Variants in TBCCD1 observed in about 807,000 individuals in gnomAD.
TBCCD1 encodes the protein TBCC domain-containing protein 1.
Under a neutral mutation model 53.4 loss-of-function variants are expected in TBCCD1, and 26 were observed. The observed-to-expected ratio is 0.49, with a 90% CI of 0.36 to 0.68. TBCCD1 has a LOEUF of 0.68. Ranked by LOEUF, TBCCD1 falls within the 30% of genes least tolerant of loss-of-function variation. The pLI, the probability that TBCCD1 is intolerant of heterozygous loss-of-function variation, is 0.00. For synonymous variants in TBCCD1, 245 were observed against 241.7 expected, an observed-to-expected ratio of 1.01 and a Z score of -0.13; for missense variants, 558 against 669.5, an observed-to-expected ratio of 0.83 and a Z score of 1.84.
intron 7 of TBCCD1, among the ~76,000 whole-genome samples, chr3:186,549,005 G>A (rs1465009627): frequency 2.6e-5 from 4 of 152,102 alleles, no homozygotes; most frequent in African/African-American, 9.7e-5. Flanking sequence ...TAAATAAATA[G>A]GCCAGAAGCA....
At chr3:186,554,855 A>T in intron 5 of TBCCD1, 43 bp downstream of exon 5, 1 of 1,605,262 alleles carries the variant, frequency 6.2e-7, no homozygotes, top group Non-Finnish European at 8.5e-7. Context: ...CACAGTCCAA[A>T]GAAAATGTCA....
chr3:186,558,295 A>C (rs1714597190), intron 3 of TBCCD1, 122 bp downstream of exon 3: 1 of 1,264,516 alleles, frequency 7.9e-7, no homozygotes, highest in African/African-American at 1.5e-5. Context: ...AAAGTGAAAA[A>C]CAAAACAAGC....
intron 1 of TBCCD1, among the ~76,000 whole-genome samples, chr3:186,566,528 G>A (rs867297666): frequency 5.3e-4 from 81 of 152,272 alleles, no homozygotes; most frequent in Admixed American, 3.6e-3. Context: ...GAGGCTTAGC[G>A]AAGTTAAGGG....
upstream of TBCCD1, among the ~76,000 whole-genome samples, chr3:186,568,919 TAAAG>T (rs1560232369): frequency 4.4e-5 from 5 of 112,770 alleles, no homozygotes; most frequent in South Asian, 9.6e-4. Context: ...AAAAAAGAAA[TAAAG>T]AAAAGAAAAC....
chr3:186,570,419 G>T, upstream of TBCCD1: 1 of 479,154 alleles, frequency 2.1e-6, no homozygotes, highest in Non-Finnish European at 3.7e-6. Context: ...AAGTGGGCAA[G>T]CCGGAGGGAT....
At chr3:186,562,711 T>C (rs1714722191) in intron 2 of TBCCD1, among the ~76,000 whole-genome samples, 1 of 138,692 alleles carries the variant, frequency 7.2e-6, no homozygotes, top group Admixed American at 7.7e-5. Context: ...ACACACAAAA[T>C]AACAAGCATA....
chr3:186,565,106 C>CT (rs1250455014), intron 1 of TBCCD1, among the ~76,000 whole-genome samples: 1 of 136,868 alleles, frequency 7.3e-6, no homozygotes, highest in African/African-American at 3.0e-5. Flanking sequence ...CCTTCTTCTT[C>CT]TTCTTTTTTT....
intron 2 of TBCCD1, among the ~76,000 whole-genome samples, chr3:186,558,909 A>G (rs1389657202): frequency 1.3e-5 from 2 of 151,924 alleles, no homozygotes; most frequent in Non-Finnish European, 2.9e-5. Flanking sequence ...CGCCCAACTA[A>G]TTTTTTTGTA....
intron 7 of TBCCD1, among the ~76,000 whole-genome samples, chr3:186,550,090 G>A (rs753638217): frequency 6.9e-4 from 105 of 152,060 alleles, no homozygotes; most frequent in Middle Eastern, 3.4e-3. Flanking sequence ...AGCTGGGCAC[G>A]GTGGTGCGTG....
Position 186,564,228 on chromosome 3 carries a change from C to A in TBCCD1, c.102G>T (p.Arg34Ser). ...PPSKFSLHYL[R>S]KISTYVQIRA... Reference sequence around the variant, plus strand: ...GGATTTGCACATAGGTGGATATCTTCCTGAGATAGTGAAGACTAAACTTGG... The same window carrying A: ...GGATTTGCACATAGGTGGATATCTTACTGAGATAGTGAAGACTAAACTTGG... Residue 34 changes from arginine to serine, a missense_variant, in exon 2 of 8, where the codon AGG becomes AGT. Coordinates refer to ENST00000338733, the MANE Select transcript of TBCCD1 (RefSeq NM_018138.5). 1 of 1,614,184 alleles carries A rather than the reference C, an allele frequency of 6.2e-7. No individual in the cohort carries two copies.
At chr3:186,552,073 G>C (rs963107444) in intron 6 of TBCCD1, among the ~76,000 whole-genome samples, 1 of 152,154 alleles carries the variant, frequency 6.6e-6, no homozygotes, top group African/African-American at 2.4e-5. Context: ...CAGGGTGAAG[G>C]AATAGCAATT....
upstream of TBCCD1, among the ~76,000 whole-genome samples, chr3:186,568,906 A>G (rs951501750): frequency 1.6e-5 from 2 of 121,718 alleles, no homozygotes; most frequent in African/African-American, 3.9e-5. Context: ...CTGTCTCAGG[A>G]AAAAAAAAGA....
At chr3:186,547,256 A>ATT (rs201432633) in intron 7 of TBCCD1, among the ~76,000 whole-genome samples, 17 of 144,026 alleles carry the variant, frequency 1.2e-4, no homozygotes, top group African/African-American at 3.3e-4. Flanking sequence ...CAGATTTGTA[A>ATT]TTTTTTTTTT....
At chr3:186,547,624 T>TA (rs1435286211) in intron 7 of TBCCD1, among the ~76,000 whole-genome samples, 28 of 145,600 alleles carry the variant, frequency 1.9e-4, no homozygotes, top group African/African-American at 7.6e-4. Context: ...TTTTTTTTTT[T>TA]AAGACGGAGT....
chr3:186,563,924 C>T lies in TBCCD1; in HGVS notation c.336+70G>A, dbSNP rs1578975077. The T allele has an allele frequency of 3.4e-6, 5 of 1,475,774 alleles. No individual in the cohort carries two copies. The East Asian group carries it at 1.2e-4, about 34-fold the overall frequency. The allele number at this position is 1,475,774 out of a possible 1,614,324, so 91.4% of individuals were successfully genotyped here. A position where few individuals can be genotyped will look rare whatever the true frequency, so the allele number is the denominator to read the frequency against. On this transcript the variant is annotated intron_variant, in intron 2 of 7. Coordinates refer to ENST00000338733, the MANE Select transcript of TBCCD1 (RefSeq NM_018138.5). ...ATCTAAAAATTGTAATAAGCAAAAA[C>T]ATTTTTTAATTTAAAAAAGAATGGT... is the stretch of plus-strand genomic sequence containing the variant.
chr3:186,570,100 G>T, upstream of TBCCD1: 3 of 700,148 alleles, frequency 4.3e-6, no homozygotes, highest in South Asian at 4.5e-5. Context: ...GGGGTGGGGG[G>T]TCTCACCACT....
chr3:186,554,225 A>G (rs762189499), intron 6 of TBCCD1, 29 bp downstream of exon 6: 1 of 1,603,712 alleles, frequency 6.2e-7, no homozygotes, highest in Non-Finnish European at 8.5e-7. Context: ...CACAAAAAAC[A>G]CAAACTGTTA....
intron 6 of TBCCD1, chr3:186,553,318 C>G (rs1051536457): frequency 6.6e-6 from 1 of 152,174 alleles, no homozygotes; most frequent in Non-Finnish European, 1.5e-5. Flanking sequence ...CATTTAAATA[C>G]TAGAACCATT....
At chr3:186,554,166 T>C in intron 6 of TBCCD1, 88 bp downstream of exon 6, 4 of 1,560,982 alleles carry the variant, frequency 2.6e-6, no homozygotes, top group East Asian at 2.2e-5. Context: ...TTTATTACTT[T>C]AGCACAGCTG....
Sources: gnomAD v4.1 joint callset for allele counts (sites outside exome capture counted in the v4.1 genomes callset) on GRCh38, gnomAD v4.1.1 for gene constraint, MANE v1.5 for transcripts, NCBI Gene and HGNC (gene_info 2026-07-23, HGNC 2026-07-21) for gene names.